The following UBE2E2 variants were observed in gnomAD, a reference collection of about 807,000 sequenced individuals.
UBE2E2 encodes the protein ubiquitin-conjugating enzyme E2 E2.
Under a neutral mutation model 24.7 loss-of-function variants are expected in UBE2E2, and 6 were observed. That is an observed-to-expected ratio of 0.24 (90% CI 0.13 to 0.48). The LOEUF is 0.48. Ranked by LOEUF, UBE2E2 falls within the 20% of genes least tolerant of loss-of-function variation. The probability of loss-of-function intolerance (pLI) is 0.99; values close to 1 mark genes in which losing one functional copy is unlikely to be tolerated. For missense variants in UBE2E2, 169 were observed against 245.0 expected, an observed-to-expected ratio of 0.69 and a Z score of 2.07; for synonymous variants, 104 against 83.6, an observed-to-expected ratio of 1.24 and a Z score of -1.33.
intron 3 of UBE2E2, among the ~76,000 whole-genome samples, chr3:23,435,995 C>G (rs138274654): frequency 6.6e-6 from 1 of 152,060 alleles, no homozygotes; most frequent in African/African-American, 2.4e-5. Context: ...GTCTAGATAC[C>G]TCGCACGCAC....
At chr3:23,502,123 T>G (rs1215108693) in intron 4 of UBE2E2, among the ~76,000 whole-genome samples, 2 of 152,150 alleles carry the variant, frequency 1.3e-5, no homozygotes, top group African/African-American at 4.8e-5. Context: ...ATTAATAGTT[T>G]TGATGTAACA....
chr3:23,546,840 T>A (rs1296735048), intron 5 of UBE2E2, among the ~76,000 whole-genome samples: 1 of 152,146 alleles, frequency 6.6e-6, no homozygotes, highest in Admixed American at 6.6e-5. Context: ...AGATAAAGAT[T>A]ATAGTGGTGA....
At chr3:23,445,068 T>C (rs1442304391) in intron 3 of UBE2E2, among the ~76,000 whole-genome samples, 1 of 152,200 alleles carries the variant, frequency 6.6e-6, no homozygotes, top group South Asian at 2.1e-4. Context: ...TGATGTCATA[T>C]TGAGTGGTTG....
chr3:23,325,822 T>TCCTA (rs1694875588), intron 3 of UBE2E2, among the ~76,000 whole-genome samples: 1 of 152,236 alleles, frequency 6.6e-6, no homozygotes, highest in South Asian at 2.1e-4. Flanking sequence ...AGCCCTTATA[T>TCCTA]CCTAACTTCT....
intron 3 of UBE2E2, among the ~76,000 whole-genome samples, chr3:23,291,876 T>TTTTTTTA (rs1698775986): frequency 8.1e-6 from 1 of 124,068 alleles, no homozygotes; most frequent in African/African-American, 2.9e-5. Flanking sequence ...TTTTTTTTTT[T>TTTTTTTA]GAGACAGAGT....
At chr3:23,517,607 A>G (rs1365743422) in intron 4 of UBE2E2, among the ~76,000 whole-genome samples, 1 of 152,220 alleles carries the variant, frequency 6.6e-6, no homozygotes, top group African/African-American at 2.4e-5. Flanking sequence ...AAAAATCAGT[A>G]TCAGAGATAA....
At chr3:23,481,503 C>T (rs1192226282) in intron 3 of UBE2E2, among the ~76,000 whole-genome samples, 1 of 152,174 alleles carries the variant, frequency 6.6e-6, no homozygotes. Flanking sequence ...ATAAAGAGTA[C>T]AATTAGCCTT....
intron 3 of UBE2E2, among the ~76,000 whole-genome samples, chr3:23,290,069 T>G (rs1698721630): frequency 6.6e-6 from 1 of 152,250 alleles, no homozygotes; most frequent in African/African-American, 2.4e-5. Context: ...AGTTTATATT[T>G]TAAACCACTC....
At chr3:23,557,698 G>C (rs1695824990) in intron 5 of UBE2E2, among the ~76,000 whole-genome samples, 1 of 152,156 alleles carries the variant, frequency 6.6e-6, no homozygotes, top group Non-Finnish European at 1.5e-5. Flanking sequence ...TGGAGACCCT[G>C]CTGTAGTTAA....
chr3:23,494,694 T>G (rs752805157), intron 3 of UBE2E2, among the ~76,000 whole-genome samples: 1 of 152,112 alleles, frequency 6.6e-6, no homozygotes, highest in African/African-American at 2.4e-5. Context: ...TAAAACCCAA[T>G]TTTTATATGA....
At chr3:23,515,120 GGTGT>G (rs58387270) in intron 4 of UBE2E2, among the ~76,000 whole-genome samples, 60,500 of 147,856 alleles carry the variant, frequency 0.41, 12,356 homozygotes, top group East Asian at 0.55. Flanking sequence ...ATAAACTTGG[GGTGT>G]GTGTGTGTGT....
At chr3:23,397,479 G>A (rs1266096954) in intron 3 of UBE2E2, among the ~76,000 whole-genome samples, 3 of 152,156 alleles carry the variant, frequency 2.0e-5, no homozygotes, top group Non-Finnish European at 2.9e-5. Flanking sequence ...TTGTAAAATA[G>A]GACATTGCCA....
At position 23,327,069 on chromosome 3, in the gene UBE2E2, G is replaced by A. The variant is rs954079000; in HGVS notation, c.227+109757G>A. Among the ~76,000 whole-genome samples, 4 of 152,248 alleles carry A rather than the reference G, an allele frequency of 2.6e-5. 1 individual carries two copies. The highest frequency in any genetic ancestry group is 9.6e-5 in the African/African-American group (4 of 41,546). ...GTGCCACATTTTCTTAATCCAGTCT[G>A]TCATTGTTGGACATTTGGGTTGGTT... is the stretch of plus-strand genomic sequence containing the variant. On this transcript the variant is annotated intron_variant, in intron 3 of 5. Coordinates refer to ENST00000396703, the MANE Select transcript of UBE2E2 (RefSeq NM_152653.4).
chr3:23,555,935 G>A (rs1000654150), intron 5 of UBE2E2, among the ~76,000 whole-genome samples: 8 of 151,996 alleles, frequency 5.3e-5, no homozygotes, highest in South Asian at 2.1e-4. Flanking sequence ...GAAAGGTCTC[G>A]TGTGCAACAT....
rs1333258224 is a variant in UBE2E2, at chr3:23,407,643, G to A, written c.228-91965G>A. 2.1e-4 allele frequency among the ~76,000 whole-genome samples: 24 copies of A among 116,854 alleles called. No homozygotes were observed. The highest frequency in any genetic ancestry group is 2.6e-4 in the South Asian group (1 of 3,890). 76.7% of individuals were successfully genotyped at this position (116,854 alleles called of 152,430 possible). ...TGTGTGTGTGTTTGTGTGTGCATGC[G>A]TGCATGTGTGTGTGTGTGTGTGTGT... On this transcript the variant is annotated intron_variant, in intron 3 of 5. Coordinates refer to ENST00000396703, the MANE Select transcript of UBE2E2 (RefSeq NM_152653.4). The surrounding 1 kb of genome is among the most constrained non-coding windows in gnomAD (Gnocchi z 4.0).
intron 5 of UBE2E2, among the ~76,000 whole-genome samples, chr3:23,546,634 T>C (rs9855653): frequency 0.68 from 102,938 of 151,408 alleles, 36,829 homozygotes; most frequent in African/African-American, 0.92. Context: ...CCACCACGCC[T>C]GGCTAATTTT....
At chr3:23,533,639 T>TTC (rs1695181154) in intron 5 of UBE2E2, among the ~76,000 whole-genome samples, 1 of 149,110 alleles carries the variant, frequency 6.7e-6, no homozygotes, top group Non-Finnish European at 1.5e-5. Context: ...TTTTTTTTTT[T>TTC]TTGAAACTGA....
rs71974866 is a variant in UBE2E2 at position 23,407,647 on chromosome 3, ATGTGTGTGTGTGTGTGTGTGTG to A, written c.228-91939_228-91918del. On this transcript the variant is annotated intron_variant, in intron 3 of 5. Transcript: ENST00000396703. This position sits in a 1 kb window ranked among gnomAD's most constrained non-coding sequence, Gnocchi z 4.0. ...TGTGTGTTTGTGTGTGCATGCGTGC[ATGTGTGTGTGTGTGTGTGTGTG>A]TGTGTGTGTGTGTGTGTGTGTAGTA... 2.2e-5 allele frequency among the ~76,000 whole-genome samples: 3 copies of A among 138,116 alleles called. No homozygotes were observed. Among genetic ancestry groups the A allele is most frequent in the South Asian group, 2.5e-4 (1 of 4,018 alleles). 90.6% of individuals were successfully genotyped at this position (138,116 alleles called of 152,430 possible). A position where few individuals can be genotyped will look rare whatever the true frequency, so the allele number is the denominator to read the frequency against.
At chr3:23,309,534 T>C (rs900785230) in intron 3 of UBE2E2, among the ~76,000 whole-genome samples, 2 of 152,172 alleles carry the variant, frequency 1.3e-5, no homozygotes, top group African/African-American at 2.4e-5. Context: ...CTCATAGTTT[T>C]GTGGGGTAGG....
Sources: allele counts gnomAD v4.1 joint callset (sites outside exome capture counted in the v4.1 genomes callset), GRCh38; gene constraint gnomAD v4.1.1; non-coding constraint Gnocchi (gnomAD v3.1); transcripts MANE v1.5; gene names NCBI Gene and HGNC (gene_info 2026-07-23, HGNC 2026-07-21).